CDK14: variants seen among roughly 807,000 people sequenced by gnomAD.
CDK14 encodes the protein cyclin dependent kinase 14, also known as cyclin-dependent kinase 14.
CDK14 carries 34 observed loss-of-function variants against 60.7 expected under a neutral mutation model. That is an observed-to-expected ratio of 0.56 (90% CI 0.43 to 0.75). The LOEUF is 0.75. Among genes scored for constraint, CDK14 ranks in the 30% least tolerant of loss-of-function variants. The pLI is 0.00. For synonymous variants in CDK14, 197 were observed against 203.7 expected (o/e 0.97, Z 0.28); for missense variants, 482 against 564.1 (o/e 0.85, Z 1.47).
At chr7:91,193,530 G>A (rs1314880481) in intron 14 of CDK14, among the ~76,000 whole-genome samples, 1 of 152,128 alleles carries the variant, frequency 6.6e-6, no homozygotes, top group Non-Finnish European at 1.5e-5. Context: ...GGAAAAATAT[G>A]CAATTATAAC....
intron 10 of CDK14, among the ~76,000 whole-genome samples, chr7:91,032,813 G>C (rs948435337): frequency 6.6e-6 from 1 of 152,134 alleles, no homozygotes; most frequent in Admixed American, 6.5e-5. Context: ...CAGCAGTCAC[G>C]GGAAATCAAT....
At chr7:90,685,412 T>C (rs1176608522) in intron 2 of CDK14, among the ~76,000 whole-genome samples, 2 of 152,206 alleles carry the variant, frequency 1.3e-5, no homozygotes, top group African/African-American at 4.8e-5. Flanking sequence ...ACATTAGAAT[T>C]ACTTGTTTCA....
chr7:91,116,808 C>A (rs1400895458), intron 13 of CDK14, among the ~76,000 whole-genome samples: 2 of 151,914 alleles, frequency 1.3e-5, no homozygotes, highest in Non-Finnish European at 2.9e-5. Context: ...AGTATTCTCT[C>A]ATTGCTTTCC....
At chr7:91,078,986 A>G (rs1798403594) in intron 11 of CDK14, among the ~76,000 whole-genome samples, 2 of 152,222 alleles carry the variant, frequency 1.3e-5, no homozygotes, top group Admixed American at 6.5e-5. Flanking sequence ...GGCTTTGAGC[A>G]TGTATAAATA....
intron 11 of CDK14, among the ~76,000 whole-genome samples, chr7:91,063,673 C>T (rs886549837): frequency 2.0e-5 from 3 of 152,148 alleles, no homozygotes; most frequent in Non-Finnish European, 2.9e-5. Context: ...GATTATATAT[C>T]GGGAGTTAGA....
At chr7:90,789,219 C>T (rs1209219062) in intron 4 of CDK14, among the ~76,000 whole-genome samples, 6 of 152,140 alleles carry the variant, frequency 3.9e-5, no homozygotes, top group Non-Finnish European at 7.4e-5. Context: ...TATACTCATA[C>T]ATAAGAACAC....
chr7:90,672,781 G>A (rs1043480383), intron 2 of CDK14, among the ~76,000 whole-genome samples: 4 of 151,836 alleles, frequency 2.6e-5, no homozygotes, highest in African/African-American at 9.7e-5. Flanking sequence ...GCCTCCTAAA[G>A]TGCTGGGATT....
At chr7:90,828,695 C>T (rs1002129171) in intron 5 of CDK14, among the ~76,000 whole-genome samples, 8 of 152,000 alleles carry the variant, frequency 5.3e-5, no homozygotes, top group Non-Finnish European at 1.2e-4. Flanking sequence ...GTTGAATTAC[C>T]CACTGACAGA....
intron 9 of CDK14, among the ~76,000 whole-genome samples, chr7:90,964,359 A>G (rs557970721): frequency 2.0e-5 from 3 of 152,348 alleles, no homozygotes; most frequent in Admixed American, 6.5e-5. Context: ...TTGTTATAGT[A>G]GAAAACATAT....
intron 3 of CDK14, among the ~76,000 whole-genome samples, chr7:90,740,121 A>C (rs966206262): frequency 7.8e-6 from 1 of 127,596 alleles, no homozygotes; most frequent in Admixed American, 8.8e-5. Flanking sequence ...ACGTGGAACC[A>C]AGTTAAATTC....
intron 11 of CDK14, among the ~76,000 whole-genome samples, chr7:91,070,180 A>G (rs1314280306): frequency 6.6e-6 from 1 of 152,204 alleles, no homozygotes; most frequent in Non-Finnish European, 1.5e-5. Flanking sequence ...ACTGGTCTAC[A>G]TCAGATCTCC....
Position 91,070,292 on chromosome 7 carries a change from G to GGTA in CDK14, c.1106-9137_1106-9135dup, listed in dbSNP as rs1491470837. Among the ~76,000 whole-genome samples, 4 of 141,466 alleles carry GGTA rather than the reference G, an allele frequency of 2.8e-5. No individual in the cohort carries two copies. The East Asian group carries it at 8.6e-4, about 31-fold the overall frequency. 92.8% of individuals were successfully genotyped at this position (141,466 alleles called of 152,430 possible). ...TGCTGGTGGTGGTGGTGGTGGTGGTGGTAGTGATGGTGATGGTGGTGTTTA... is the reference window on the plus strand; with the variant it reads ...TGCTGGTGGTGGTGGTGGTGGTGGTGGTAGTAGTGATGGTGATGGTGGTGTTTA... On this transcript the variant is annotated intron_variant, in intron 11 of 14. Coordinates refer to ENST00000380050, the MANE Select transcript of CDK14 (RefSeq NM_001287135.2).
chr7:91,133,994 T>C (rs1053486008), intron 14 of CDK14, among the ~76,000 whole-genome samples: 8 of 152,126 alleles, frequency 5.3e-5, no homozygotes, highest in Non-Finnish European at 1.2e-4. Context: ...AGAGATAGCA[T>C]AGAAACATAA....
At chr7:90,639,443 G>A (rs978218570) in intron 2 of CDK14, among the ~76,000 whole-genome samples, 1 of 152,094 alleles carries the variant, frequency 6.6e-6, no homozygotes, top group East Asian at 1.9e-4. Context: ...CAGAACCGCA[G>A]ATTTTCGTGT....
chr7:91,086,941 T>A (rs1355370828), intron 12 of CDK14, among the ~76,000 whole-genome samples: 4 of 152,012 alleles, frequency 2.6e-5, no homozygotes, highest in Admixed American at 2.6e-4. Flanking sequence ...TTAGCGTTTT[T>A]GTTTTGTTTT....
intron 9 of CDK14, among the ~76,000 whole-genome samples, chr7:90,975,670 C>G (rs1584189536): frequency 6.6e-6 from 1 of 151,994 alleles, no homozygotes; most frequent in African/African-American, 2.4e-5. Context: ...TGTCTTTTAG[C>G]AAATCTCCCC....
intron 5 of CDK14, among the ~76,000 whole-genome samples, chr7:90,809,836 G>A (rs1281075498): frequency 1.3e-5 from 2 of 152,214 alleles, no homozygotes; most frequent in East Asian, 1.9e-4. Context: ...AGAATACTAT[G>A]AACACCTCTA....
intron 4 of CDK14, among the ~76,000 whole-genome samples, chr7:90,786,067 C>T (rs749487907): frequency 8.5e-5 from 13 of 152,122 alleles, no homozygotes; most frequent in African/African-American, 1.7e-4. Flanking sequence ...GAGTTCATGC[C>T]GCCTGATGGG....
intron 14 of CDK14, among the ~76,000 whole-genome samples, chr7:91,199,698 C>G (rs1802657347): frequency 6.6e-6 from 1 of 152,116 alleles, no homozygotes; most frequent in Non-Finnish European, 1.5e-5. Context: ...ACAGCTTTGC[C>G]TAAAATTTTT....
Sources: allele counts gnomAD v4.1 joint callset (sites outside exome capture counted in the v4.1 genomes callset), GRCh38; gene constraint gnomAD v4.1.1; transcripts MANE v1.5; gene names NCBI Gene and HGNC (gene_info 2026-07-23, HGNC 2026-07-21).